Variants in TTK observed in about 807,000 individuals in gnomAD.
TTK encodes dual specificity protein kinase TTK.
Under a neutral mutation model 117.3 loss-of-function variants are expected in TTK, and 59 were observed. The ratio of observed to expected loss-of-function variants is 0.50; its 90% CI spans 0.41 to 0.62. TTK has a LOEUF of 0.62. Ranked by LOEUF, TTK falls within the 20% of genes least tolerant of loss-of-function variation. TTK has a pLI of 0.00. For missense variants in TTK, 921 were observed against 989.4 expected (o/e 0.93, Z 0.93); for synonymous variants, 302 against 325.0 (o/e 0.93, Z 0.76).
rs148819692 is a variant in TTK, at chr6:80,033,233, T to C, written c.1614+1674T>C. On this transcript the variant is annotated intron_variant, in intron 14 of 21. Transcript: ENST00000369798. ...AAGTGAGAACATGAGGTATTTGTCT[T>C]TCTGTATTTAGCCTATTTCAGTTCC... is the stretch of plus-strand genomic sequence containing the variant. Among the ~76,000 whole-genome samples the C allele has an allele frequency of 6.8e-3, 1,036 of 152,298 alleles. 7 individuals are homozygous for C. The highest frequency in any genetic ancestry group is 0.012 in the Non-Finnish European group (807 of 68,026).
intron 14 of TTK, among the ~76,000 whole-genome samples, chr6:80,034,349 C>T (rs1207191117): frequency 1.3e-5 from 2 of 152,116 alleles, no homozygotes; most frequent in Non-Finnish European, 2.9e-5. Context: ...CTTACCTAAA[C>T]CGGATTGCAA....
intron 8 of TTK, 84 bp from the exon 9 acceptor site, chr6:80,013,195 A>C: frequency 8.8e-7 from 1 of 1,137,678 alleles, no homozygotes; most frequent in Non-Finnish European, 1.3e-6. Flanking sequence ...ATATTATTAA[A>C]AATCCAACTT....
In TTK at chr6:80,040,247, G is replaced by C; in HGVS notation, c.2359G>C (p.Ala787Pro). 6.3e-7 allele frequency: 1 copy of C among 1,591,868 alleles called. No individual in the cohort carries two copies. The change falls in exon 20 of 22, where the codon GCT becomes CCT. Residue 787 changes from alanine (A) to proline (P), a missense_variant. Physicochemically the swap from Ala to Pro is conservative, Grantham distance 27. Coordinates refer to ENST00000369798, the MANE Select transcript of TTK (RefSeq NM_003318.5). ...GAGGATATCCATTCCTGAGCTCCTG[G>C]CTCATCCATATGTTCAAATTCAAAC... ...KQRISIPELL[A>P]HPYVQIQTHP...
intron 19 of TTK, 114 bp from the exon 20 acceptor site, chr6:80,040,082 T>C: frequency 2.0e-6 from 2 of 980,326 alleles, no homozygotes; most frequent in East Asian, 2.9e-5. Flanking sequence ...AATACTTTAG[T>C]GGGATATCTA....
In TTK at chr6:80,011,767, G is replaced by C. The variant is rs368343290; in HGVS notation, c.767G>C (p.Arg256Pro). The C allele has an allele frequency of 1.2e-5, 19 of 1,612,668 alleles. No homozygotes were observed. The African/African-American group carries it at 2.3e-4, about 19-fold the overall frequency. ...MPPQDAEIGY[R>P]NSLRQTNKTK... is the part of the protein sequence containing the mutation. ...CCACAAGATGCAGAAATAGGTTACC[G>C]GAATTCATTGAGACAAACTAACAAA... The change falls in exon 7 of 22, where the codon CGG (arginine) becomes CCG (proline). Residue 256 changes from arginine (R) to proline (P), a missense_variant. Coordinates refer to ENST00000369798, the MANE Select transcript of TTK (RefSeq NM_003318.5).
rs756807660 is a variant in TTK at position 80,010,980 on chromosome 6, A to C, written c.613+23A>C. ...CAGGTAACTATTAAGGTATACTAAT[A>C]CTTTCTGTGGTAGGTAGTACTTCAA... is the stretch of plus-strand genomic sequence containing the variant. On this transcript the variant is annotated intron_variant, in intron 5 of 21. Coordinates refer to ENST00000369798, the MANE Select transcript of TTK (RefSeq NM_003318.5). The C allele has an allele frequency of 3.1e-6, 5 of 1,600,932 alleles. No homozygotes were observed. In the African/African-American group the frequency reaches 6.7e-5, roughly 22 times the overall value.
chr6:80,028,018 TA>T lies in TTK; in HGVS notation c.1521+9del, dbSNP rs753704859. On this transcript the variant is annotated splice_region_variant and intron_variant, in intron 13 of 21. Coordinates refer to ENST00000369798, the MANE Select transcript of TTK (RefSeq NM_003318.5). ...TCCACTTCAAAATTTACAGGTTCGA[TA>T]AGCTTTATATATGATGGTATATGTT... 3.8e-6 allele frequency: 6 copies of T among 1,596,870 alleles called. No individual in the cohort carries two copies. The South Asian group carries it at 6.8e-5, about 18-fold the overall frequency.
intron 13 of TTK, among the ~76,000 whole-genome samples, chr6:80,028,915 A>G (rs1256722899): frequency 6.6e-6 from 1 of 152,106 alleles, no homozygotes; most frequent in Admixed American, 6.6e-5. Flanking sequence ...ATCTTTTGCA[A>G]GTTACCTAAA....
chr6:80,022,927 C>G (rs548019899), intron 11 of TTK, among the ~76,000 whole-genome samples: 1 of 152,276 alleles, frequency 6.6e-6, no homozygotes, highest in South Asian at 2.1e-4. Context: ...GCAGTGCTGT[C>G]CCAAGCACTT....
intron 21 of TTK, among the ~76,000 whole-genome samples, chr6:80,041,911 G>A (rs1240516922): frequency 6.6e-6 from 1 of 151,586 alleles, no homozygotes; most frequent in Non-Finnish European, 1.5e-5. Flanking sequence ...GAAAGATTGA[G>A]TTATATCTCA....
Position 80,042,216 on chromosome 6 carries a change from G to A in TTK, c.*14G>A, listed in dbSNP as rs769064731. 142 of 1,565,150 alleles carry A rather than the reference G, an allele frequency of 9.1e-5. No homozygotes were observed. Among genetic ancestry groups the A allele is most frequent in the Middle Eastern group, 1.7e-4 (1 of 5,854 alleles). On this transcript the variant is annotated 3_prime_UTR_variant, in exon 22 of 22. Coordinates refer to ENST00000369798, the MANE Select transcript of TTK (RefSeq NM_003318.5). ...GGAAAAAAATGATTTGCAGTTATTC[G>A]TAATGTCAGATACCACCTATAAAAT...
chr6:80,011,395 TTTC>T lies in TTK; in HGVS notation c.614-36_614-34del, dbSNP rs1255601739. ...AGATCACTTTTTTGTACTTGTCTTA[TTTC>T]TTATAAATTTAATCATAGTTTCAAA... On this transcript the variant is annotated intron_variant, in intron 5 of 21. Coordinates refer to ENST00000369798, the MANE Select transcript of TTK (RefSeq NM_003318.5). 3 of 1,386,780 alleles carry T rather than the reference TTTC, an allele frequency of 2.2e-6. No individual in the cohort carries two copies. In the African/African-American group the frequency reaches 4.4e-5, roughly 20 times the overall value. The allele number at this position is 1,386,780 out of a possible 1,614,324, so 85.9% of individuals were successfully genotyped here.
intron 11 of TTK, among the ~76,000 whole-genome samples, chr6:80,023,418 C>T (rs1339610982): frequency 6.6e-6 from 1 of 152,046 alleles, no homozygotes; most frequent in Non-Finnish European, 1.5e-5. Flanking sequence ...ATGGTGAAAC[C>T]CTGTCTCTAC....
intron 11 of TTK, among the ~76,000 whole-genome samples, chr6:80,024,454 C>T (rs1767551242): frequency 1.3e-5 from 2 of 152,124 alleles, no homozygotes; most frequent in African/African-American, 2.4e-5. Context: ...CATGTTACAA[C>T]ATAAGTGAAC....
At chr6:80,030,280 C>T (rs1269108562) in intron 13 of TTK, among the ~76,000 whole-genome samples, 4 of 152,102 alleles carry the variant, frequency 2.6e-5, no homozygotes, top group Non-Finnish European at 4.4e-5. Context: ...CTGTTCAAAG[C>T]ATTTATAGGT....
At chr6:80,008,521 T>G in intron 4 of TTK, 29 bp downstream of exon 4, 1 of 1,572,800 alleles carries the variant, frequency 6.4e-7, no homozygotes, top group African/African-American at 1.4e-5. Flanking sequence ...ATTCAAATTT[T>G]AAGTAAAGGA....
chr6:80,032,928 A>G (rs1033457417), intron 14 of TTK, among the ~76,000 whole-genome samples: 9 of 152,306 alleles, frequency 5.9e-5, no homozygotes, highest in South Asian at 2.1e-4. Flanking sequence ...ACAATATGAA[A>G]TGATTAAGCT....
At chr6:80,036,320 A>G (rs1403189561) in intron 16 of TTK, among the ~76,000 whole-genome samples, 155 bp from the exon 17 acceptor site, 2 of 152,182 alleles carry the variant, frequency 1.3e-5, no homozygotes, top group Non-Finnish European at 2.9e-5. Flanking sequence ...GCACATAACA[A>G]GTGCTATGTA....
intron 11 of TTK, among the ~76,000 whole-genome samples, chr6:80,025,915 G>C (rs1454519270): frequency 7.0e-6 from 1 of 142,780 alleles, no homozygotes; most frequent in Non-Finnish European, 1.5e-5. Context: ...TACAGGTTCT[G>C]TCTCTTCTTA....
Sources: allele counts gnomAD v4.1 joint callset (sites outside exome capture counted in the v4.1 genomes callset), GRCh38; gene constraint gnomAD v4.1.1; transcripts MANE v1.5; gene names NCBI Gene and HGNC (gene_info 2026-07-23, HGNC 2026-07-21).